GRAMD2B: variants seen among roughly 807,000 people sequenced by gnomAD.
GRAMD2B encodes the protein GRAM domain containing 2B, also known as GRAM domain-containing protein 2B.
Under a neutral mutation model 59.2 loss-of-function variants are expected in GRAMD2B, and 41 were observed. The ratio of observed to expected loss-of-function variants is 0.69; its 90% confidence interval spans 0.54 to 0.90. The LOEUF is 0.90. Ranked by LOEUF, GRAMD2B falls within the 40% of genes least tolerant of loss-of-function variation. The probability of loss-of-function intolerance (pLI) is 0.00; values close to 1 mark genes in which losing one functional copy is unlikely to be tolerated. For synonymous variants in GRAMD2B, 161 were observed against 182.7 expected (o/e 0.88, Z 0.96); for missense variants, 424 against 500.5 (o/e 0.85, Z 1.46).
intron 1 of GRAMD2B, among the ~76,000 whole-genome samples, chr5:126,392,471 T>A (rs1346780451): frequency 6.6e-6 from 1 of 152,068 alleles, no homozygotes; most frequent in East Asian, 1.9e-4. Flanking sequence ...CATTAGCAAC[T>A]CAGAACCAAA....
chr5:126,367,267 G>A (rs150757749), upstream of GRAMD2B, among the ~76,000 whole-genome samples: 1 of 152,192 alleles, frequency 6.6e-6, no homozygotes, highest in African/African-American at 2.4e-5. Context: ...AAATCTTAAG[G>A]CACAAATATT....
chr5:126,369,356 C>G (rs1484946006), upstream of GRAMD2B, among the ~76,000 whole-genome samples: 1 of 151,852 alleles, frequency 6.6e-6, no homozygotes, highest in Non-Finnish European at 1.5e-5. Context: ...AGTGGTTTAA[C>G]CTTTTAAAGA....
intron 1 of GRAMD2B, among the ~76,000 whole-genome samples, chr5:126,398,158 G>A (rs1386031945): frequency 6.6e-6 from 1 of 151,270 alleles, no homozygotes; most frequent in Non-Finnish European, 1.5e-5. Context: ...CAAGTTTCAG[G>A]GATCACAGTC....
intron 2 of GRAMD2B, among the ~76,000 whole-genome samples, chr5:126,469,324 T>G (rs1466776000): frequency 6.6e-6 from 1 of 152,168 alleles, no homozygotes; most frequent in Non-Finnish European, 1.5e-5. Context: ...ATAATCAAGA[T>G]TTATTACAAT....
upstream of GRAMD2B, among the ~76,000 whole-genome samples, chr5:126,367,250 A>G (rs1754499749): frequency 6.6e-6 from 1 of 152,234 alleles, no homozygotes; most frequent in South Asian, 2.1e-4. Flanking sequence ...AGCATAATTT[A>G]TCAAATAAAT....
chr5:126,443,953 G>A (rs146597125), intron 1 of GRAMD2B, among the ~76,000 whole-genome samples: 4,384 of 152,100 alleles, frequency 0.029, 199 homozygotes, highest in African/African-American at 0.098. Flanking sequence ...TAGGGAGGCT[G>A]AGGCAGGAGA....
intron 1 of GRAMD2B, among the ~76,000 whole-genome samples, chr5:126,414,920 T>C (rs1759132280): frequency 6.6e-6 from 1 of 152,156 alleles, no homozygotes; most frequent in Admixed American, 6.5e-5. Context: ...TATACAACAT[T>C]TCTATGTAAA....
intron 1 of GRAMD2B, chr5:126,433,597 T>C (rs951368497): frequency 1.4e-4 from 22 of 152,370 alleles, no homozygotes; most frequent in African/African-American, 4.6e-4. Context: ...TCTGTATTGT[T>C]AAACACAGGT....
At chr5:126,409,952 T>TCCCCTAAATAGGGAATCCTTTCCCCATTG (rs1758623770) in intron 1 of GRAMD2B, among the ~76,000 whole-genome samples, 1 of 151,130 alleles carries the variant, frequency 6.6e-6, no homozygotes, top group Non-Finnish European at 1.5e-5. Flanking sequence ...GGGAATCCTT[T>TCCCCTAAATAGGGAATCCTTTCCCCATTG]CCCCATTGCT....
At chr5:126,455,225 T>C (rs937550956) in intron 1 of GRAMD2B, among the ~76,000 whole-genome samples, 6 of 152,194 alleles carry the variant, frequency 3.9e-5, no homozygotes, top group Non-Finnish European at 7.3e-5. Context: ...AATAGGAATA[T>C]AGTCCTCCAG....
upstream of GRAMD2B, chr5:126,423,353 C>G: frequency 7.6e-7 from 1 of 1,322,336 alleles, no homozygotes; most frequent in Non-Finnish European, 9.6e-7. Flanking sequence ...GAGGCTGTCA[C>G]TTCGCTTCGA....
At chr5:126,361,551 A>G (rs1754223876) in intron 1 of GRAMD2B, among the ~76,000 whole-genome samples, 1 of 151,824 alleles carries the variant, frequency 6.6e-6, no homozygotes, top group Admixed American at 6.6e-5. Context: ...GTAAGTTTCT[A>G]TATGTAAAAT....
At chr5:126,395,082 G>T (rs1445172519) in intron 1 of GRAMD2B, among the ~76,000 whole-genome samples, 1 of 64,738 alleles carries the variant, frequency 1.5e-5, no homozygotes, top group Non-Finnish European at 4.2e-5. Flanking sequence ...ATAACTTAGA[G>T]TTACACTTTT....
At chr5:126,383,679 T>C (rs1317091744) in intron 1 of GRAMD2B, among the ~76,000 whole-genome samples, 2 of 152,202 alleles carry the variant, frequency 1.3e-5, no homozygotes, top group African/African-American at 2.4e-5. Context: ...GTAGTACATA[T>C]ACAGCCAGAT....
In GRAMD2B at chr5:126,460,553, G is replaced by A. The variant is rs145102176; in HGVS notation, c.84-4873G>A. 4.0e-3 allele frequency among the ~76,000 whole-genome samples: 608 copies of A among 152,204 alleles called. 2 individuals carry two copies. The highest frequency in any genetic ancestry group is 7.0e-3 in the Admixed American group (107 of 15,290). On this transcript the variant is annotated intron_variant, in intron 1 of 13. Coordinates refer to ENST00000285689, the MANE Select transcript of GRAMD2B (RefSeq NM_023927.4). ...CTCCATTGCTCACTCCTGCACTTCC[G>A]CACTCCATTCTATTTCCTTCTTTTG...
chr5:126,435,125 T>A (rs1762200443), intron 1 of GRAMD2B, among the ~76,000 whole-genome samples: 1 of 152,214 alleles, frequency 6.6e-6, no homozygotes, highest in Non-Finnish European at 1.5e-5. Flanking sequence ...GTGCAGGGAA[T>A]ACAAGGCTAA....
intron 1 of GRAMD2B, among the ~76,000 whole-genome samples, chr5:126,385,659 C>T (rs971808166): frequency 6.6e-6 from 1 of 152,160 alleles, no homozygotes. Flanking sequence ...TGTAATAAGG[C>T]ACTAGAGATC....
At chr5:126,360,340 G>A in exon 1 of GRAMD2B, 1 of 1,551,284 alleles carries the variant, frequency 6.4e-7, no homozygotes, top group Non-Finnish European at 8.7e-7. Flanking sequence ...AGATGACAAG[G>A]AGACAGCAAG....
chr5:126,450,380 A>G (rs1765121465), intron 1 of GRAMD2B, among the ~76,000 whole-genome samples: 1 of 152,158 alleles, frequency 6.6e-6, no homozygotes, highest in Non-Finnish European at 1.5e-5. Context: ...CTAGCATAAT[A>G]TATTCTCTCT....
Sources: allele counts gnomAD v4.1 joint callset (sites outside exome capture counted in the v4.1 genomes callset), GRCh38; gene constraint gnomAD v4.1.1; transcripts MANE v1.5; gene names NCBI Gene and HGNC (gene_info 2026-07-23, HGNC 2026-07-21).